The following RPS6KA2 variants were observed in gnomAD, a reference collection of about 807,000 sequenced individuals.
The protein encoded by RPS6KA2 is ribosomal protein S6 kinase alpha-2.
Under a neutral mutation model 91.8 loss-of-function variants are expected in RPS6KA2, and 42 were observed. That is an observed-to-expected ratio of 0.46 (90% CI 0.36 to 0.59). RPS6KA2 has a LOEUF of 0.59. RPS6KA2 is among the 20% of genes least tolerant of loss of function. The probability of loss-of-function intolerance (pLI) is 0.00; values close to 1 mark genes in which losing one functional copy is unlikely to be tolerated. For synonymous variants in RPS6KA2, 414 were observed against 393.6 expected, an observed-to-expected ratio of 1.05 and a Z score of -0.61; for missense variants, 798 against 978.5, an observed-to-expected ratio of 0.82 and a Z score of 2.46.
At chr6:166,783,907 G>A (rs1778852951) in intron 2 of RPS6KA2, among the ~76,000 whole-genome samples, 2 of 60,630 alleles carry the variant, frequency 3.3e-5, no homozygotes, top group East Asian at 4.0e-4. Flanking sequence ...GCACACCTAC[G>A]CATCACCACA....
chr6:166,536,043 G>T (rs1362652120), intron 2 of RPS6KA2, among the ~76,000 whole-genome samples: 2 of 152,258 alleles, frequency 1.3e-5, no homozygotes, highest in African/African-American at 2.4e-5. Flanking sequence ...GCAGTCTGAG[G>T]TCAGGAGCTG....
chr6:166,566,719 G>A (rs549862805), intron 1 of RPS6KA2, among the ~76,000 whole-genome samples: 23 of 152,314 alleles, frequency 1.5e-4, no homozygotes, highest in African/African-American at 2.2e-4. Context: ...CTGGCCCTGA[G>A]GTCTCTCAGC....
intron 2 of RPS6KA2, among the ~76,000 whole-genome samples, chr6:166,783,173 C>T (rs549852227): frequency 7.3e-5 from 11 of 151,512 alleles, no homozygotes; most frequent in Admixed American, 2.6e-4. Context: ...ACTGCAGCCT[C>T]GACCTCCTGG....
In RPS6KA2 at chr6:166,508,346, T is replaced by C; in HGVS notation, c.380-64A>G. On this transcript the variant is annotated intron_variant, in intron 4 of 20. Coordinates refer to ENST00000265678, the MANE Select transcript of RPS6KA2 (RefSeq NM_021135.6). This position sits in a 1 kb window ranked among gnomAD's most constrained non-coding sequence, Gnocchi z 4.3. Reference sequence around the variant, plus strand: ...AATGTCCTGTGGCAACATCGCTCTCTGGCTTCTCCCTGCTCACGGTGCTGC... The same window carrying C: ...AATGTCCTGTGGCAACATCGCTCTCCGGCTTCTCCCTGCTCACGGTGCTGC... 1 of 1,073,060 alleles carries C rather than the reference T, an allele frequency of 9.3e-7. No homozygotes were observed. Among genetic ancestry groups the C allele is most frequent in the Non-Finnish European group, 1.4e-6 (1 of 694,540 alleles). The allele number at this position is 1,073,060 out of a possible 1,614,324, so 66.5% of individuals were successfully genotyped here.
chr6:166,855,438 GGAAGAAGAAGAGGAA>G lies in RPS6KA2; in HGVS notation c.123+2747_123+2761del, dbSNP rs1374107605. ...AGGAGGAAGAAGAAGAGGAAGAAGA[GGAAGAAGAAGAGGAA>G]GAAGAAGAGGAAGAGGAAGAGGAAG... On this transcript the variant is annotated intron_variant, in intron 2 of 21. Transcript: ENST00000503859. 6.7e-5 allele frequency among the ~76,000 whole-genome samples: 6 copies of G among 89,736 alleles called. No homozygotes were observed. The East Asian group carries it at 2.6e-3, about 38-fold the overall frequency. The allele number at this position is 89,736 out of a possible 152,430, so 58.9% of individuals were successfully genotyped here.
chr6:166,795,237 T>C (rs774260916), intron 2 of RPS6KA2, among the ~76,000 whole-genome samples: 64 of 152,358 alleles, frequency 4.2e-4, no homozygotes, highest in Middle Eastern at 3.4e-3. Context: ...ATTTGTGATA[T>C]ATGGAGGCTG....
chr6:166,559,770 A>G (rs187858365), intron 1 of RPS6KA2, among the ~76,000 whole-genome samples: 76 of 152,334 alleles, frequency 5.0e-4, no homozygotes, highest in Admixed American at 1.4e-3. Flanking sequence ...ATGTTATACC[A>G]TATATTAGAT....
At chr6:166,644,398 G>C (rs1182693139) in intron 2 of RPS6KA2, among the ~76,000 whole-genome samples, 1 of 152,118 alleles carries the variant, frequency 6.6e-6, no homozygotes, top group African/African-American at 2.4e-5. Context: ...CCCAGTCCAT[G>C]ACGTCACTTC....
In RPS6KA2 at chr6:166,448,744, C is replaced by T. The variant is rs774102654; in HGVS notation, c.1312G>A (p.Asp438Asn). 1.2e-6 allele frequency: 2 copies of T among 1,613,304 alleles called. No individual in the cohort carries two copies. Among genetic ancestry groups the T allele is most frequent in the South Asian group, 2.2e-5 (2 of 90,862 alleles). ...VCKRCVHKAT[D>N]TEYAVKIIDK... ...CTTACCTTCACGGCATACTCGGTGT[C>T]TGTGGCTTTATGCACACATCGCTTG... Residue 438 changes from aspartate to asparagine, a missense_variant, in exon 14 of 21, where the codon GAC becomes AAC. Asp to Asn is a conservative substitution (Grantham distance 23, BLOSUM62 1). Coordinates refer to ENST00000265678, the MANE Select transcript of RPS6KA2 (RefSeq NM_021135.6). The surrounding 1 kb of genome is among the most constrained non-coding windows in gnomAD (Gnocchi z 4.7).
chr6:166,778,282 C>T (rs1466183063), intron 2 of RPS6KA2, among the ~76,000 whole-genome samples: 1 of 152,252 alleles, frequency 6.6e-6, no homozygotes, highest in Non-Finnish European at 1.5e-5. Context: ...TCTGCAACGA[C>T]TGGCGCCGGC....
intron 2 of RPS6KA2, among the ~76,000 whole-genome samples, chr6:166,693,406 C>T (rs1171991786): frequency 6.6e-6 from 1 of 152,178 alleles, no homozygotes; most frequent in African/African-American, 2.4e-5. Context: ...ACTCTGGTTT[C>T]CTTGCACATC....
chr6:166,596,940 C>T (rs564712159), intron 1 of RPS6KA2, among the ~76,000 whole-genome samples: 4 of 152,048 alleles, frequency 2.6e-5, no homozygotes, highest in African/African-American at 7.2e-5. Flanking sequence ...AGGGGGATTT[C>T]GAGGGGACTG....
chr6:166,507,865 C>T (rs1583219429), intron 5 of RPS6KA2, among the ~76,000 whole-genome samples: 1 of 149,228 alleles, frequency 6.7e-6, no homozygotes, highest in Non-Finnish European at 1.5e-5. Context: ...GCACACACAA[C>T]CCCAAACACC....
intron 2 of RPS6KA2, among the ~76,000 whole-genome samples, chr6:166,800,716 G>A (rs529079101): frequency 5.3e-5 from 8 of 152,188 alleles, no homozygotes; most frequent in Non-Finnish European, 1.2e-4. Context: ...AGGGTATTTT[G>A]TTACAGCAAC....
chr6:166,546,894 T>C (rs13207398), intron 1 of RPS6KA2, among the ~76,000 whole-genome samples: 61,697 of 151,982 alleles, frequency 0.41, 13,124 homozygotes, highest in East Asian at 0.63. Context: ...ATCCCAAGAG[T>C]GCCCAGCTGT....
chr6:166,862,488 C>T (rs1239551687), exon 1 of RPS6KA2: 2 of 774,026 alleles, frequency 2.6e-6, no homozygotes, highest in East Asian at 9.1e-5. Flanking sequence ...GGGGACGGCG[C>T]TGCGGCTTCG....
intron 2 of RPS6KA2, among the ~76,000 whole-genome samples, chr6:166,802,726 T>C (rs893400642): frequency 6.6e-6 from 1 of 152,174 alleles, no homozygotes; most frequent in African/African-American, 2.4e-5. Flanking sequence ...ACTCAGCCAA[T>C]TCCTCGGACG....
In RPS6KA2 at chr6:166,825,028, C is replaced by T. The variant is rs1374381862; in HGVS notation, c.123+33172G>A. Among the ~76,000 whole-genome samples the T allele has an allele frequency of 6.6e-6, 1 of 152,244 alleles. No individual in the cohort carries two copies. The highest frequency in any genetic ancestry group is 2.4e-5 in the African/African-American group (1 of 41,456). ...CGGAGCACCCCAGGGAGCTGCCTTC[C>T]CGTCCGTCTTCTGCCTCCACCCACA... On this transcript the variant is annotated intron_variant, in intron 2 of 21. Coordinates refer to the RPS6KA2 transcript ENST00000503859. This position sits in a 1 kb window ranked among gnomAD's most constrained non-coding sequence, Gnocchi z 4.1.
intron 1 of RPS6KA2, among the ~76,000 whole-genome samples, chr6:166,607,254 C>A (rs1470037283): frequency 6.6e-6 from 1 of 151,590 alleles, no homozygotes; most frequent in Non-Finnish European, 1.5e-5. Context: ...ATAGAGTTGC[C>A]ATCCCAGATC....
Sources: allele counts gnomAD v4.1 joint callset (sites outside exome capture counted in the v4.1 genomes callset), GRCh38; gene constraint gnomAD v4.1.1; non-coding constraint Gnocchi (gnomAD v3.1); transcripts MANE v1.5; gene names NCBI Gene and HGNC (gene_info 2026-07-23, HGNC 2026-07-21).